Variants in IFT140 observed in about 807,000 individuals in gnomAD.
IFT140 encodes intraflagellar transport protein 140 homolog.
A neutral mutation model predicts 164.6 loss-of-function variants in IFT140; 133 were observed. The observed-to-expected ratio is 0.81, with a 90% CI of 0.70 to 0.93. The LOEUF (loss-of-function observed/expected upper bound fraction) is 0.93, where lower values mean the gene tolerates loss of function less well. Among genes scored for constraint, IFT140 ranks in the 40% least tolerant of loss-of-function variants. The pLI, the probability that IFT140 is intolerant of heterozygous loss-of-function variation, is 0.00. For synonymous variants in IFT140, 860 were observed against 817.3 expected (o/e 1.05, Z -0.89); for missense variants, 2,045 against 1,972.3 (o/e 1.04, Z -0.70).
At chr16:1,562,398 C>T (rs554737622) in intron 17 of IFT140, among the ~76,000 whole-genome samples, 28 of 152,230 alleles carry the variant, frequency 1.8e-4, no homozygotes, top group African/African-American at 6.5e-4. Context: ...TCATTCCCAC[C>T]CTGAACTGGT....
At chr16:1,512,906 C>G (rs1421460926) in intron 30 of IFT140, 1 of 152,258 alleles carries the variant, frequency 6.6e-6, no homozygotes, top group Non-Finnish European at 1.5e-5. Flanking sequence ...GGGGAGTGAG[C>G]AACCGGGCCA....
chr16:1,583,452 T>C, intron 11 of IFT140, 66 bp from the exon 12 acceptor site: 1 of 1,340,978 alleles, frequency 7.5e-7, no homozygotes, highest in Non-Finnish European at 1.1e-6. Context: ...TACACCCCAC[T>C]GCACACCTCG....
intron 14 of IFT140, 76 bp downstream of exon 14, chr16:1,571,331 C>T: frequency 2.1e-6 from 3 of 1,438,116 alleles, no homozygotes; most frequent in South Asian, 1.3e-5. Flanking sequence ...TGGCTTCTAA[C>T]TCACTTTCTA....
chr16:1,520,729 T>C lies in IFT140; in HGVS notation c.3533A>G (p.Lys1178Arg), dbSNP rs753726805. Residue 1178 changes from lysine (K) to arginine (R), a missense_variant, in exon 27 of 31, where the codon AAG (lysine) becomes AGG (arginine). Lys to Arg is a conservative substitution (Grantham distance 26, BLOSUM62 2). Coordinates refer to ENST00000426508, the MANE Select transcript of IFT140 (RefSeq NM_014714.4). ...CTCCTCAGGCAGGTCCGAGGAGTCC[T>C]TGGCCACGGTCATCTTTTCCGCCAT... ...EEMAEKMTVA[K>R]DSSDLPEESR... The C allele has an allele frequency of 1.2e-6, 2 of 1,611,696 alleles. No homozygotes were observed. Among genetic ancestry groups the C allele is most frequent in the Non-Finnish European group, 1.7e-6 (2 of 1,179,952 alleles).
rs182685540 is a variant in IFT140, at chr16:1,576,806, C to T, written c.1524+3953G>A. 7 of 152,236 alleles carry T rather than the reference C, an allele frequency of 4.6e-5. No individual in the cohort carries two copies. In the East Asian group the frequency reaches 9.7e-4, roughly 21 times the overall value. The allele number at this position is 152,236 out of a possible 1,614,324, so 9.4% of individuals were successfully genotyped here. ...AGAGATGGCACTATGTGCAGCTGAG[C>T]GAAGTGTAAACCAACAGAAAGATGC... On this transcript the variant is annotated intron_variant, in intron 13 of 30. Transcript: ENST00000426508.
At chr16:1,549,931 T>C (rs538604146) in intron 19 of IFT140, among the ~76,000 whole-genome samples, 1 of 152,332 alleles carries the variant, frequency 6.6e-6, no homozygotes, top group Admixed American at 6.5e-5. Flanking sequence ...TGTGAACTCA[T>C]ACTTCTTTAA....
chr16:1,595,783 T>G (rs2035434196), intron 4 of IFT140, among the ~76,000 whole-genome samples: 1 of 152,082 alleles, frequency 6.6e-6, no homozygotes, highest in Admixed American at 6.5e-5. Flanking sequence ...CCAGGCACAA[T>G]GGCTCATGCC....
rs1321140423 is a variant in IFT140 at position 1,562,045 on chromosome 16, C to A, written c.2139G>T (p.Arg713=). Residue 713 remains arginine (R), a synonymous_variant, in exon 18 of 31, where the codon CGG becomes CGT. Coordinates refer to ENST00000426508, the MANE Select transcript of IFT140 (RefSeq NM_014714.4). ...CCAGGAGACTGTGGGAGGTGGCAGG[C>A]CGGGGGAAGCTCTCATGAAGCAGGA... ...HGFLLHESFP[R]PATSHSLLGM... 1 of 1,611,704 alleles carries A rather than the reference C, an allele frequency of 6.2e-7. No individual in the cohort carries two copies. Among genetic ancestry groups the A allele is most frequent in the Non-Finnish European group, 8.5e-7 (1 of 1,179,010 alleles).
At position 1,610,729 on chromosome 16, in the gene IFT140, C is replaced by G. The variant is rs1415800924; in HGVS notation, c.-97G>C. 6.5e-6 allele frequency: 1 copy of G among 153,358 alleles called. No homozygotes were observed. Among genetic ancestry groups the G allele is most frequent in the Non-Finnish European group, 1.5e-5 (1 of 68,246 alleles). The allele number at this position is 153,358 out of a possible 1,614,324, so 9.5% of individuals were successfully genotyped here. A position where few individuals can be genotyped will look rare whatever the true frequency, so the allele number is the denominator to read the frequency against. On this transcript the variant is annotated 5_prime_UTR_variant, in exon 2 of 31. Transcript: ENST00000426508. Reference sequence around the variant, plus strand: ...CGGCGCGCCAGGAACGCGGAAATAGCCGAAGGTGAGCGAGGCGGCCCCGAG... The same window carrying G: ...CGGCGCGCCAGGAACGCGGAAATAGGCGAAGGTGAGCGAGGCGGCCCCGAG...
At chr16:1,543,039 T>C (rs994108095) in intron 19 of IFT140, among the ~76,000 whole-genome samples, 1 of 151,436 alleles carries the variant, frequency 6.6e-6, no homozygotes, top group Admixed American at 6.6e-5. Context: ...TGTGGCTGAC[T>C]GAGAGGTTTG....
chr16:1,577,013 C>T (rs950473323), intron 13 of IFT140: 2 of 152,198 alleles, frequency 1.3e-5, no homozygotes, highest in Non-Finnish European at 2.9e-5. Flanking sequence ...GCAAAATGCA[C>T]ATCACATTAA....
At chr16:1,513,619 C>CTGAT (rs759472807) in intron 30 of IFT140, among the ~76,000 whole-genome samples, 4 of 152,072 alleles carry the variant, frequency 2.6e-5, no homozygotes, top group African/African-American at 2.4e-5. Context: ...CGTGAGCAGG[C>CTGAT]TGATGCTGGG....
chr16:1,565,588 G>C (rs566212774), intron 16 of IFT140, among the ~76,000 whole-genome samples: 58 of 152,336 alleles, frequency 3.8e-4, no homozygotes, highest in Non-Finnish European at 7.6e-4. Flanking sequence ...GCAGGCCCCA[G>C]GGTGCCCGTC....
chr16:1,563,905 G>A, intron 17 of IFT140, 92 bp downstream of exon 17: 1 of 1,329,932 alleles, frequency 7.5e-7, no homozygotes, highest in South Asian at 1.9e-5. Flanking sequence ...GGGATCACAG[G>A]CGTGAGCCAC....
rs755939601 is a variant in IFT140, at chr16:1,520,590, G to A, written c.3660+12C>T. The A allele has an allele frequency of 7.0e-6, 11 of 1,562,974 alleles. No individual in the cohort carries two copies. The highest frequency in any genetic ancestry group is 5.5e-5 in the Admixed American group (3 of 54,530). ...GTGAGGTAGCCGCGGGCTGGGGCCG[G>A]GAGAGGCTCACCTTCAGCTTGTTGC... On this transcript the variant is annotated intron_variant, in intron 27 of 30. Transcript: ENST00000426508.
At position 1,564,009 on chromosome 16, in the gene IFT140, G is replaced by T. The variant is rs201447957; in HGVS notation, c.2055C>A (p.Arg685=). 10 of 1,582,430 alleles carry T rather than the reference G, an allele frequency of 6.3e-6. No homozygotes were observed. In the South Asian group the frequency reaches 1.1e-4, roughly 18 times the overall value. ...AGGCAGAGCGTACCGCAGGGCCAGC[G>T]CGCCCATCTTGGGGCTGCCCGTTTG... ...QSANGQPQDG[R]AGPAADVLIL... The change falls in exon 17 of 31, where the codon CGC becomes CGA. Residue 685 remains arginine, a synonymous_variant. Transcript: ENST00000426508. The surrounding 1 kb of genome is among the most constrained non-coding windows in gnomAD (Gnocchi z 5.5).
intron 14 of IFT140, among the ~76,000 whole-genome samples, chr16:1,569,313 AT>A (rs1567383507): frequency 6.6e-6 from 1 of 151,870 alleles, no homozygotes; most frequent in Non-Finnish European, 1.5e-5. Context: ...CGGCCGTGGA[AT>A]TCTTTTCTAT....
chr16:1,563,935 T>A (rs2033567512), intron 17 of IFT140, 62 bp downstream of exon 17: 1 of 1,466,388 alleles, frequency 6.8e-7, no homozygotes, highest in East Asian at 2.5e-5. Flanking sequence ...CCCATGAAGA[T>A]CTTAAGTCTG....
chr16:1,520,336 C>T lies in IFT140; in HGVS notation c.3668G>A (p.Arg1223Lys), dbSNP rs751861503. 1.2e-6 allele frequency: 2 copies of T among 1,614,062 alleles called. No homozygotes were observed. The highest frequency in any genetic ancestry group is 2.2e-5 in the East Asian group (1 of 44,878). The change falls in exon 28 of 31, where the codon AGG (arginine) becomes AAG (lysine). Residue 1223 changes from arginine to lysine, a missense_variant. By Grantham distance (26) the Arg-to-Lys change is conservative. Coordinates refer to ENST00000426508, the MANE Select transcript of IFT140 (RefSeq NM_014714.4). ...CGTGTCTCCGGATTTGAGCAGCGCC[C>T]TCATGGCCTAGGCAGAGAGACAGCG... ...TQAGNKLKAM[R>K]ALLKSGDTEK... is the part of the protein sequence containing the mutation.
Sources: allele counts gnomAD v4.1 joint callset (sites outside exome capture counted in the v4.1 genomes callset), GRCh38; gene constraint gnomAD v4.1.1; non-coding constraint Gnocchi (gnomAD v3.1); transcripts MANE v1.5; gene names NCBI Gene and HGNC (gene_info 2026-07-23, HGNC 2026-07-21).